Variants in RABGAP1L observed in about 807,000 individuals in gnomAD.
RABGAP1L encodes the protein rab GTPase-activating protein 1-like.
Under a neutral mutation model 137.7 loss-of-function variants are expected in RABGAP1L, and 63 were observed. The ratio of observed to expected loss-of-function variants is 0.46; its 90% CI spans 0.37 to 0.56. The LOEUF (loss-of-function observed/expected upper bound fraction) is 0.56, where lower values mean the gene tolerates loss of function less well. Among genes scored for constraint, RABGAP1L ranks in the 20% least tolerant of loss-of-function variants. The pLI is 0.00. For missense variants in RABGAP1L, 1,095 were observed against 1,244.0 expected (o/e 0.88, Z 1.80); for synonymous variants, 431 against 433.7 (o/e 0.99, Z 0.08).
intron 7 of RABGAP1L, among the ~76,000 whole-genome samples, chr1:174,253,791 GTAT>G (rs777245145): frequency 1.3e-5 from 2 of 152,248 alleles, no homozygotes; most frequent in Admixed American, 6.5e-5. Flanking sequence ...TAACTTTGAA[GTAT>G]TATTTTTAGT....
At chr1:174,257,755 C>T (rs1014392442) in intron 7 of RABGAP1L, among the ~76,000 whole-genome samples, 2 of 152,068 alleles carry the variant, frequency 1.3e-5, no homozygotes, top group African/African-American at 4.8e-5. Flanking sequence ...CACATTAGGA[C>T]AATTGTTTTT....
chr1:174,913,519 T>C (rs1660378440), intron 19 of RABGAP1L, among the ~76,000 whole-genome samples: 1 of 152,160 alleles, frequency 6.6e-6, no homozygotes, highest in African/African-American at 2.4e-5. Context: ...ATAAGGTAAA[T>C]ATGTTTAGCA....
chr1:174,874,339 T>C (rs370341927), intron 19 of RABGAP1L: 17 of 320,944 alleles, frequency 5.3e-5, no homozygotes, highest in Non-Finnish European at 7.6e-5. Flanking sequence ...CAGGAATCTA[T>C]TCTCTCCCTC....
chr1:174,306,719 G>C (rs1456997699), intron 11 of RABGAP1L, among the ~76,000 whole-genome samples: 1 of 151,878 alleles, frequency 6.6e-6, no homozygotes, highest in African/African-American at 2.4e-5. Flanking sequence ...AAATAGTGGG[G>C]TATCTGCTCT....
chr1:174,978,885 A>G lies in RABGAP1L; in HGVS notation c.2728A>G (p.Lys910Glu). The change falls in exon 23 of 26, where the codon AAA becomes GAA. Residue 910 changes from lysine (K) to glutamate (E), a missense_variant. Transcript: ENST00000681986. ...KKTTAIIAEY[K>E]QICSQLSTRL... Reference sequence around the variant, plus strand: ...GACTACAGCTATCATTGCTGAGTATAAACAGGTAATGTACTTCTGTGGCAC... The same window carrying G: ...GACTACAGCTATCATTGCTGAGTATGAACAGGTAATGTACTTCTGTGGCAC... The G allele has an allele frequency of 6.5e-7, 1 of 1,528,832 alleles. No individual in the cohort carries two copies. The highest frequency in any genetic ancestry group is 8.8e-7 in the Non-Finnish European group (1 of 1,138,974). The allele number at this position is 1,528,832 out of a possible 1,614,324, so 94.7% of individuals were successfully genotyped here. A position where few individuals can be genotyped will look rare whatever the true frequency, so the allele number is the denominator to read the frequency against.
At position 174,940,823 on chromosome 1, in the gene RABGAP1L, C is replaced by T. The variant is rs1411197229; in HGVS notation, c.2341-16634C>T. 2.0e-5 allele frequency among the ~76,000 whole-genome samples: 3 copies of T among 152,358 alleles called. No individual in the cohort carries two copies. The East Asian group carries it at 5.8e-4, about 29-fold the overall frequency. ...TTCTTTCATATTCCAAATTGCTTCTCATATCCAGAATGGATGCAAACATCT... is the reference window on the plus strand; with the variant it reads ...TTCTTTCATATTCCAAATTGCTTCTTATATCCAGAATGGATGCAAACATCT... On this transcript the variant is annotated intron_variant, in intron 19 of 25. Transcript: ENST00000681986.
Position 174,990,005 on chromosome 1 carries a change from C to A in RABGAP1L, c.*4C>A. 1 of 1,532,894 alleles carries A rather than the reference C, an allele frequency of 6.5e-7. No individual in the cohort carries two copies. Among genetic ancestry groups the A allele is most frequent in the Non-Finnish European group, 8.8e-7 (1 of 1,131,140 alleles). 95.0% of individuals were successfully genotyped at this position (1,532,894 alleles called of 1,614,324 possible). ...GCCACCCAAGGAGAGCACATAGTTC[C>A]AGCCTTACCCAAGCACAAGAGCACA... On this transcript the variant is annotated 3_prime_UTR_variant, in exon 26 of 26. Transcript: ENST00000681986.
intron 21 of RABGAP1L, among the ~76,000 whole-genome samples, chr1:174,972,680 G>A (rs1445678301): frequency 2.6e-5 from 4 of 151,856 alleles, no homozygotes; most frequent in Admixed American, 1.3e-4. Flanking sequence ...CGGTGAAACC[G>A]AGTCTCTATT....
At chr1:174,165,595 C>T (rs1664841919) in intron 1 of RABGAP1L, among the ~76,000 whole-genome samples, 1 of 151,814 alleles carries the variant, frequency 6.6e-6, no homozygotes, top group Non-Finnish European at 1.5e-5. Flanking sequence ...ATTTCCTGGC[C>T]TCTAACAGTT....
chr1:174,757,674 T>C (rs1684873652), intron 18 of RABGAP1L, among the ~76,000 whole-genome samples: 1 of 151,942 alleles, frequency 6.6e-6, no homozygotes, highest in Non-Finnish European at 1.5e-5. Flanking sequence ...CAGTATTTTC[T>C]TTTTTGGGGA....
chr1:174,971,124 C>G (rs1467171565), intron 21 of RABGAP1L, among the ~76,000 whole-genome samples: 1 of 151,742 alleles, frequency 6.6e-6, no homozygotes. Flanking sequence ...TTTTTATATT[C>G]ATCTTTATAG....
At chr1:174,332,689 C>G (rs1681141146) in intron 11 of RABGAP1L, among the ~76,000 whole-genome samples, 1 of 152,128 alleles carries the variant, frequency 6.6e-6, no homozygotes, top group Non-Finnish European at 1.5e-5. Flanking sequence ...AGCCACCGCG[C>G]CCGGCTGAGA....
chr1:174,463,488 A>C (rs1254105602), intron 13 of RABGAP1L, among the ~76,000 whole-genome samples: 1 of 151,354 alleles, frequency 6.6e-6, no homozygotes, highest in African/African-American at 2.4e-5. Flanking sequence ...CAGGAAGGGG[A>C]ACATCACACT....
intron 4 of RABGAP1L, among the ~76,000 whole-genome samples, chr1:174,236,035 G>C (rs1386758671): frequency 1.1e-5 from 1 of 91,760 alleles, no homozygotes; most frequent in African/African-American, 6.0e-5. Context: ...ATTTCTTCTA[G>C]ATTTTCTAGT....
At chr1:174,265,132 T>C (rs1211310357) in intron 7 of RABGAP1L, among the ~76,000 whole-genome samples, 1 of 152,210 alleles carries the variant, frequency 6.6e-6, no homozygotes, top group African/African-American at 2.4e-5. Context: ...TTTATGCTTT[T>C]AGATGTTTTT....
chr1:174,419,242 C>T (rs1030437214), intron 13 of RABGAP1L, among the ~76,000 whole-genome samples: 5 of 152,168 alleles, frequency 3.3e-5, no homozygotes, highest in Non-Finnish European at 1.5e-5. Context: ...GCATTCAAAC[C>T]ACCTGCGGAT....
chr1:174,689,160 TCA>T (rs1678691654), intron 15 of RABGAP1L, among the ~76,000 whole-genome samples: 1 of 151,984 alleles, frequency 6.6e-6, no homozygotes, highest in South Asian at 2.1e-4. Flanking sequence ...TTGTTGTATT[TCA>T]GAGTAAAATA....
chr1:174,345,099 CAT>C (rs1277981675), intron 11 of RABGAP1L, among the ~76,000 whole-genome samples: 1 of 152,100 alleles, frequency 6.6e-6, no homozygotes, highest in East Asian at 1.9e-4. Context: ...TCACTATAGA[CAT>C]ATGGATTTAT....
At chr1:174,237,015 A>T (rs1397193702) in intron 4 of RABGAP1L, among the ~76,000 whole-genome samples, 7 of 123,234 alleles carry the variant, frequency 5.7e-5, no homozygotes, top group African/African-American at 2.3e-4. Context: ...TCCCTTTACC[A>T]TTATGTAATG....
Sources: gnomAD v4.1 joint callset for allele counts (sites outside exome capture counted in the v4.1 genomes callset) on GRCh38, gnomAD v4.1.1 for gene constraint, MANE v1.5 for transcripts, NCBI Gene and HGNC (gene_info 2026-07-23, HGNC 2026-07-21) for gene names.